Variants in PTPRO observed in about 807,000 individuals in gnomAD.
PTPRO encodes the protein receptor-type tyrosine-protein phosphatase O.
Under a neutral mutation model 145.2 loss-of-function variants are expected in PTPRO, and 62 were observed. That is an observed-to-expected ratio of 0.43 (90% confidence interval 0.35 to 0.53). PTPRO has a LOEUF of 0.53. Among genes scored for constraint, PTPRO ranks in the 20% least tolerant of loss-of-function variants. The pLI, the probability that PTPRO is intolerant of heterozygous loss-of-function variation, is 0.01. For missense variants in PTPRO, 1,345 were observed against 1,482.7 expected (o/e 0.91, Z 1.53); for synonymous variants, 565 against 514.7 (o/e 1.10, Z -1.32).
chr12:15,509,483 G>T (rs1322828756), intron 7 of PTPRO, among the ~76,000 whole-genome samples: 1 of 151,824 alleles, frequency 6.6e-6, no homozygotes, highest in Non-Finnish European at 1.5e-5. Flanking sequence ...GATCACCTGA[G>T]GTCAGGAGTT....
At chr12:15,404,592 C>G (rs1939596481) in intron 1 of PTPRO, among the ~76,000 whole-genome samples, 1 of 152,090 alleles carries the variant, frequency 6.6e-6, no homozygotes, top group South Asian at 2.1e-4. Flanking sequence ...CAATGCTCTC[C>G]TTTTACGGCA....
chr12:15,357,355 A>G (rs374919240), intron 1 of PTPRO, among the ~76,000 whole-genome samples: 1 of 152,240 alleles, frequency 6.6e-6, no homozygotes. Context: ...CATGTGTTCA[A>G]TAACTTGACT....
chr12:15,573,071 T>C (rs904893867), intron 19 of PTPRO, among the ~76,000 whole-genome samples: 11 of 152,140 alleles, frequency 7.2e-5, no homozygotes, highest in Non-Finnish European at 4.4e-5. Flanking sequence ...GAGAAACCAA[T>C]GGGATGTTTA....
At chr12:15,548,988 T>C in intron 13 of PTPRO, 106 bp from the exon 14 acceptor site, 2 of 1,247,808 alleles carry the variant, frequency 1.6e-6, no homozygotes, top group South Asian at 1.2e-5. Context: ...TGTCATCTTA[T>C]ACATTTTTTA....
At chr12:15,492,240 TG>T (rs1358441255) in intron 2 of PTPRO, among the ~76,000 whole-genome samples, 1 of 152,174 alleles carries the variant, frequency 6.6e-6, no homozygotes, top group Non-Finnish European at 1.5e-5. Flanking sequence ...GCCCAGAGCC[TG>T]TGTCTCAAAA....
rs1434430765 is a variant in PTPRO at position 15,322,814 on chromosome 12, C to CT, written c.75+14dup. 3 of 1,609,962 alleles carry CT rather than the reference C, an allele frequency of 1.9e-6. No homozygotes were observed. The highest frequency in any genetic ancestry group is 1.3e-5 in the African/African-American group (1 of 74,444). ...TGTGCTGTTCAAGGTAGGGGAGCTC[C>CT]TCCACCCCTTTTTCCCAGCGGTCCG... On this transcript the variant is annotated intron_variant, in intron 1 of 26. Coordinates refer to ENST00000281171, the MANE Select transcript of PTPRO (RefSeq NM_030667.3). This position sits in a 1 kb window ranked among gnomAD's most constrained non-coding sequence, Gnocchi z 6.3.
intron 1 of PTPRO, among the ~76,000 whole-genome samples, chr12:15,397,947 C>T (rs1939388080): frequency 6.6e-6 from 1 of 152,172 alleles, no homozygotes; most frequent in Non-Finnish European, 1.5e-5. Context: ...ATCTACAAAC[C>T]ACCCCAGTTT....
intron 1 of PTPRO, among the ~76,000 whole-genome samples, chr12:15,391,467 T>C (rs1051083656): frequency 1.3e-5 from 2 of 152,200 alleles, no homozygotes; most frequent in Non-Finnish European, 2.9e-5. Context: ...ATCCCAGCTC[T>C]TAGTTGAGCT....
intron 1 of PTPRO, among the ~76,000 whole-genome samples, chr12:15,335,853 T>A (rs1390273060): frequency 6.6e-6 from 1 of 152,200 alleles, no homozygotes; most frequent in Non-Finnish European, 1.5e-5. Flanking sequence ...TCATTTCTAC[T>A]GCTAGATTGA....
intron 19 of PTPRO, 140 bp from the exon 20 acceptor site, chr12:15,578,713 T>A: frequency 1.4e-6 from 1 of 699,212 alleles, no homozygotes; most frequent in Non-Finnish European, 2.6e-6. Flanking sequence ...TTGATGATAG[T>A]GGGGTGGAGT....
At chr12:15,559,409 A>G (rs1943717715) in intron 16 of PTPRO, among the ~76,000 whole-genome samples, 2 of 152,202 alleles carry the variant, frequency 1.3e-5, no homozygotes, top group South Asian at 4.1e-4. Context: ...AGATGCAGTC[A>G]CAGGATATTT....
chr12:15,323,289 A>C (rs1382280341), intron 1 of PTPRO, among the ~76,000 whole-genome samples: 1 of 152,122 alleles, frequency 6.6e-6, no homozygotes, highest in Non-Finnish European at 1.5e-5. Flanking sequence ...GTTAGGGCAG[A>C]ATTTTCTTTG....
rs1939185145 is a variant in PTPRO at position 15,391,360 on chromosome 12, C to T, written c.75+68559C>T. On this transcript the variant is annotated intron_variant, in intron 1 of 26. Transcript: ENST00000281171. ...ATAATTCATATTTATAATCTCCCTT[C>T]TTTACTGTTTATTCTATTCATTTCC... Among the ~76,000 whole-genome samples, 3 of 152,198 alleles carry T rather than the reference C, an allele frequency of 2.0e-5. No individual in the cohort carries two copies. In the South Asian group the frequency reaches 6.2e-4, roughly 32 times the overall value.
chr12:15,437,621 TG>T (rs1482896661), intron 1 of PTPRO, among the ~76,000 whole-genome samples: 1 of 151,532 alleles, frequency 6.6e-6, no homozygotes, highest in Non-Finnish European at 1.5e-5. Context: ...TGTGGCAACC[TG>T]GGTTGCACAA....
At chr12:15,460,508 T>A (rs1258122341) in intron 1 of PTPRO, among the ~76,000 whole-genome samples, 1 of 152,098 alleles carries the variant, frequency 6.6e-6, no homozygotes, top group African/African-American at 2.4e-5. Context: ...ATGAAGAGAG[T>A]CTTCATTGCC....
At chr12:15,535,696 G>A (rs1036943007) in intron 12 of PTPRO, among the ~76,000 whole-genome samples, 3 of 152,066 alleles carry the variant, frequency 2.0e-5, no homozygotes, top group African/African-American at 7.2e-5. Context: ...CCTGGACTGG[G>A]GTGTGGCCTT....
chr12:15,580,716 A>G lies in PTPRO; in HGVS notation c.3017A>G (p.Glu1006Gly), dbSNP rs773443487. The G allele has an allele frequency of 6.2e-7, 1 of 1,613,966 alleles. No homozygotes were observed. The highest frequency in any genetic ancestry group is 1.3e-5 in the African/African-American group (1 of 74,910). Residue 1006 changes from glutamate to glycine, a missense_variant, in exon 22 of 27, where the codon GAG (glutamate) becomes GGG (glycine). Coordinates refer to ENST00000281171, the MANE Select transcript of PTPRO (RefSeq NM_030667.3). ...TTTCAGGGATACAACTCACCCCAGGAGTATATTGCCACCCAGGGGCCACTG... is the reference window on the plus strand; with the variant it reads ...TTTCAGGGATACAACTCACCCCAGGGGTATATTGCCACCCAGGGGCCACTG... ...NYIPGYNSPQEYIATQGPLPE... is the reference protein window; with the variant it reads ...NYIPGYNSPQGYIATQGPLPE...
chr12:15,488,911 G>A (rs1328718632), intron 2 of PTPRO, among the ~76,000 whole-genome samples: 1 of 152,176 alleles, frequency 6.6e-6, no homozygotes, highest in African/African-American at 2.4e-5. Context: ...CCTGGAATCA[G>A]TTCCTTGGAA....
chr12:15,523,096 G>A (rs1280753728), intron 10 of PTPRO, among the ~76,000 whole-genome samples: 1 of 152,152 alleles, frequency 6.6e-6, no homozygotes, highest in Non-Finnish European at 1.5e-5. Context: ...TTATTGCTAA[G>A]CATACTATAT....
Sources: allele counts gnomAD v4.1 joint callset (sites outside exome capture counted in the v4.1 genomes callset), GRCh38; gene constraint gnomAD v4.1.1; non-coding constraint Gnocchi (gnomAD v3.1); transcripts MANE v1.5; gene names NCBI Gene and HGNC (gene_info 2026-07-23, HGNC 2026-07-21).